PARD3B: variants seen among roughly 807,000 people sequenced by gnomAD.
The protein encoded by PARD3B is par-3 family cell polarity regulator beta, also known as partitioning defective 3 homolog B.
PARD3B carries 103 observed loss-of-function variants against 130.2 expected under a neutral mutation model. The observed-to-expected ratio is 0.79, with a 90% confidence interval of 0.67 to 0.93. The LOEUF (loss-of-function observed/expected upper bound fraction) is 0.93, where lower values mean the gene tolerates loss of function less well. Among genes scored for constraint, PARD3B ranks in the 40% least tolerant of loss-of-function variants. PARD3B has a pLI of 0.00. For synonymous variants in PARD3B, 583 were observed against 553.2 expected, an observed-to-expected ratio of 1.05 and a Z score of -0.76; for missense variants, 1,609 against 1,499.2, an observed-to-expected ratio of 1.07 and a Z score of -1.21.
rs184525775 is a variant in PARD3B at position 205,139,644 on chromosome 2, A to G, written c.1434+13907A>G. Among the ~76,000 whole-genome samples the G allele has an allele frequency of 1.6e-3, 237 of 152,358 alleles. 2 individuals are homozygous for G. The highest frequency in any genetic ancestry group is 4.3e-4 in the Non-Finnish European group (29 of 68,034). On this transcript the variant is annotated intron_variant, in intron 10 of 22. Coordinates refer to ENST00000406610, the MANE Select transcript of PARD3B (RefSeq NM_001302769.2). ...ACATTTGTTCATGTTTGGGATATAC[A>G]TAACAGTGACTTATTCTCTATATCA...
At chr2:205,586,725 C>A (rs2054209535) in intron 22 of PARD3B, among the ~76,000 whole-genome samples, 1 of 152,042 alleles carries the variant, frequency 6.6e-6, no homozygotes. Flanking sequence ...TTTTCCTATA[C>A]TTGACACATT....
At chr2:205,543,002 C>G (rs2052227608) in intron 21 of PARD3B, among the ~76,000 whole-genome samples, 1 of 152,104 alleles carries the variant, frequency 6.6e-6, no homozygotes, top group African/African-American at 2.4e-5. Flanking sequence ...CAGGTTTGGA[C>G]CAAAAATCTA....
At chr2:205,133,585 T>G (rs1275337492) in intron 10 of PARD3B, among the ~76,000 whole-genome samples, 1 of 152,228 alleles carries the variant, frequency 6.6e-6, no homozygotes, top group Admixed American at 6.5e-5. Context: ...TAGTGGCTAT[T>G]GCTGACTAGC....
At chr2:204,650,469 T>C (rs754662006) in intron 1 of PARD3B, among the ~76,000 whole-genome samples, 4 of 152,198 alleles carry the variant, frequency 2.6e-5, no homozygotes, top group Non-Finnish European at 5.9e-5. Flanking sequence ...GCAGCACTAT[T>C]CACAACAGCA....
At chr2:204,699,043 C>T (rs1389910067) in intron 2 of PARD3B, among the ~76,000 whole-genome samples, 1 of 152,076 alleles carries the variant, frequency 6.6e-6, no homozygotes, top group African/African-American at 2.4e-5. Context: ...GGTTAATACT[C>T]CAGCTTCCCC....
rs909068160 is a variant in PARD3B, at chr2:205,128,730, C to G, written c.1434+2993C>G. Among the ~76,000 whole-genome samples, 1 of 152,092 alleles carries G rather than the reference C, an allele frequency of 6.6e-6. No individual in the cohort carries two copies. The highest frequency in any genetic ancestry group is 1.5e-5 in the Non-Finnish European group (1 of 68,028). On this transcript the variant is annotated intron_variant, in intron 10 of 22. Transcript: ENST00000406610. The surrounding 1 kb of genome is among the most constrained non-coding windows in gnomAD (Gnocchi z 4.5). ...GTAGTAGTGTAAACACAATTCTATACTCTAGATATATTATGGGGTAGATAG... is the reference window on the plus strand; with the variant it reads ...GTAGTAGTGTAAACACAATTCTATAGTCTAGATATATTATGGGGTAGATAG...
rs77590733 is a variant in PARD3B at position 205,199,435 on chromosome 2, C to A, written c.2140+6115C>A. On this transcript the variant is annotated intron_variant, in intron 15 of 22. Transcript: ENST00000406610. Reference sequence around the variant, plus strand: ...GAGAAGCAAATGATTAAAATATATACATATATGTACATTTTTACTGTGTGT... The same window carrying A: ...GAGAAGCAAATGATTAAAATATATAAATATATGTACATTTTTACTGTGTGT... Among the ~76,000 whole-genome samples, 693 of 152,078 alleles carry A rather than the reference C, an allele frequency of 4.6e-3. 5 individuals are homozygous for A. The highest frequency in any genetic ancestry group is 0.016 in the African/African-American group (662 of 41,474).
intron 1 of PARD3B, among the ~76,000 whole-genome samples, chr2:204,659,549 A>G (rs975702295): frequency 1.1e-4 from 17 of 152,158 alleles, no homozygotes; most frequent in African/African-American, 3.9e-4. Flanking sequence ...GATCCAGTTG[A>G]TTACCATTAC....
At chr2:205,489,929 T>C (rs976059545) in intron 20 of PARD3B, among the ~76,000 whole-genome samples, 14 of 152,090 alleles carry the variant, frequency 9.2e-5, no homozygotes, top group African/African-American at 3.1e-4. Flanking sequence ...GAGCAATGCC[T>C]TTTATCAGAA....
At chr2:205,052,352 A>G (rs1281422893) in intron 4 of PARD3B, among the ~76,000 whole-genome samples, 1 of 149,376 alleles carries the variant, frequency 6.7e-6, no homozygotes, top group Non-Finnish European at 1.5e-5. Flanking sequence ...TAAAACCATT[A>G]CTTGTCTTAC....
intron 2 of PARD3B, among the ~76,000 whole-genome samples, chr2:204,734,366 A>G (rs1032502029): frequency 2.6e-5 from 4 of 152,226 alleles, no homozygotes; most frequent in Non-Finnish European, 2.9e-5. Context: ...TGACATTTTC[A>G]TAAGTTAAAC....
chr2:205,523,209 ATGTG>A lies in PARD3B; in HGVS notation c.3180+23192_3180+23195del, dbSNP rs36030743. Among the ~76,000 whole-genome samples, 147 of 141,414 alleles carry A rather than the reference ATGTG, an allele frequency of 1.0e-3. 1 individual carries two copies. Among genetic ancestry groups the A allele is most frequent in the East Asian group, 4.7e-3 (23 of 4,858 alleles). The allele number at this position is 141,414 out of a possible 152,430, so 92.8% of individuals were successfully genotyped here. On this transcript the variant is annotated intron_variant, in intron 21 of 22. Transcript: ENST00000406610. Reference sequence around the variant, plus strand: ...CTGTTTTCTTACCCCCGTGTACTATATGTGTGTGTGTGTGTGTATATATATATAT... The same window carrying A: ...CTGTTTTCTTACCCCCGTGTACTATATGTGTGTGTGTGTATATATATATAT...
At chr2:204,976,537 A>G (rs182391467) in intron 3 of PARD3B, among the ~76,000 whole-genome samples, 24 of 151,886 alleles carry the variant, frequency 1.6e-4, no homozygotes, top group Non-Finnish European at 2.5e-4. Context: ...TGTTAATTTC[A>G]TTATTATATT....
rs2035928958 is a variant in PARD3B, at chr2:204,664,099, G to A, written c.121-22082G>A. Reference sequence around the variant, plus strand: ...ATTTATGACCTGAGGCTAATACTGTGGCTTGGATATGTTCTAACCCCATGA... The same window carrying A: ...ATTTATGACCTGAGGCTAATACTGTAGCTTGGATATGTTCTAACCCCATGA... On this transcript the variant is annotated intron_variant, in intron 1 of 22. Coordinates refer to ENST00000406610, the MANE Select transcript of PARD3B (RefSeq NM_001302769.2). This position sits in a 1 kb window ranked among gnomAD's most constrained non-coding sequence, Gnocchi z 5.2. Among the ~76,000 whole-genome samples the A allele has an allele frequency of 6.6e-6, 1 of 152,074 alleles. No individual in the cohort carries two copies. The highest frequency in any genetic ancestry group is 1.5e-5 in the Non-Finnish European group (1 of 68,016).
rs531956491 is a variant in PARD3B at position 205,077,439 on chromosome 2, A to C, written c.505-26987A>C. On this transcript the variant is annotated intron_variant, in intron 4 of 22. Transcript: ENST00000406610. ...GGGTCTAGAATAAAAGATAAGTAAC[A>C]ATTCAGTCATACCCTTTTGCAGAAC... Among the ~76,000 whole-genome samples, 11 of 152,164 alleles carry C rather than the reference A, an allele frequency of 7.2e-5. No homozygotes were observed. The South Asian group carries it at 2.1e-3, about 29-fold the overall frequency.
chr2:205,185,719 G>A, intron 13 of PARD3B, 45 bp from the exon 14 acceptor site: 1 of 1,544,002 alleles, frequency 6.5e-7, no homozygotes, highest in Non-Finnish European at 9.0e-7. Flanking sequence ...GCATCGAATG[G>A]TTCTGCTTCC....
intron 1 of PARD3B, among the ~76,000 whole-genome samples, chr2:204,582,068 G>A (rs1344858516): frequency 6.6e-6 from 1 of 152,164 alleles, no homozygotes; most frequent in East Asian, 1.9e-4. Flanking sequence ...TTCATGTCAT[G>A]TCCTGGGGAA....
At chr2:205,168,645 A>T (rs1190515077) in intron 11 of PARD3B, among the ~76,000 whole-genome samples, 1 of 151,284 alleles carries the variant, frequency 6.6e-6, no homozygotes, top group Non-Finnish European at 1.5e-5. Flanking sequence ...TGTCTAGCTA[A>T]GTAGGTAGAC....
chr2:205,551,362 T>C (rs2106490579), intron 21 of PARD3B, among the ~76,000 whole-genome samples: 1 of 152,028 alleles, frequency 6.6e-6, no homozygotes, highest in East Asian at 1.9e-4. Context: ...TTTTTTTTTT[T>C]TTTATCCCCT....
Sources: allele counts gnomAD v4.1 joint callset (sites outside exome capture counted in the v4.1 genomes callset), GRCh38; gene constraint gnomAD v4.1.1; non-coding constraint Gnocchi (gnomAD v3.1); transcripts MANE v1.5; gene names NCBI Gene and HGNC (gene_info 2026-07-23, HGNC 2026-07-21).